DELE1: variants seen among roughly 807,000 people sequenced by gnomAD.
DELE1 encodes death ligand signal enhancer.
In DELE1, 54 loss-of-function variants were observed where a neutral mutation model predicts 59.3. The observed-to-expected ratio is 0.91, with a 90% CI of 0.73 to 1.14. The LOEUF (loss-of-function observed/expected upper bound fraction) is 1.14, where lower values mean the gene tolerates loss of function less well. DELE1 is among the 50% of genes most tolerant of loss of function. The probability of loss-of-function intolerance (pLI) is 0.00; values close to 1 mark genes in which losing one functional copy is unlikely to be tolerated. For missense variants in DELE1, 636 were observed against 643.9 expected, an observed-to-expected ratio of 0.99 and a Z score of 0.13; for synonymous variants, 264 against 259.1, an observed-to-expected ratio of 1.02 and a Z score of -0.18.
chr5:141,939,659 C>T lies in DELE1; in HGVS notation c.*900C>T. 1.0e-6 allele frequency: 1 copy of T among 985,890 alleles called. No homozygotes were observed. The highest frequency in any genetic ancestry group is 1.7e-5 in the African/African-American group (1 of 57,346). The allele number at this position is 985,890 out of a possible 1,614,324, so 61.1% of individuals were successfully genotyped here. A position where few individuals can be genotyped will look rare whatever the true frequency, so the allele number is the denominator to read the frequency against. On this transcript the variant is annotated 3_prime_UTR_variant, in exon 12 of 12. Coordinates refer to ENST00000432126, the MANE Select transcript of DELE1 (RefSeq NM_014773.5). ...GATACCCACCCACCTTCCCCCAAAT[C>T]TTAAGCACCTGCGCCAGTACAGTCA...
rs2126908332 is a variant in DELE1 at position 141,941,040 on chromosome 5, T to G, written c.*2281T>G. On this transcript the variant is annotated 3_prime_UTR_variant, in exon 12 of 12. Transcript: ENST00000432126. ...CACTGAATTGAGCCCAGAGCCCGTT[T>G]CCCTACAGATTGCTTTTGAGCCTTC... The G allele has an allele frequency of 1.0e-6, 1 of 985,444 alleles. No individual in the cohort carries two copies. The highest frequency in any genetic ancestry group is 1.1e-4 in the East Asian group (1 of 8,810). 61.0% of individuals were successfully genotyped at this position (985,444 alleles called of 1,614,324 possible). A position where few individuals can be genotyped will look rare whatever the true frequency, so the allele number is the denominator to read the frequency against.
intron 10 of DELE1, 74 bp downstream of exon 10, chr5:141,934,660 G>GT: frequency 7.3e-7 from 1 of 1,373,634 alleles, no homozygotes; most frequent in Non-Finnish European, 1.0e-6. Context: ...CTGGTACTGA[G>GT]TTCTTCTGTG....
intron 10 of DELE1, among the ~76,000 whole-genome samples, chr5:141,935,887 T>C (rs969972295): frequency 2.6e-5 from 4 of 152,214 alleles, no homozygotes; most frequent in Non-Finnish European, 2.9e-5. Flanking sequence ...TACTGAGCAG[T>C]GTTGCAGGGG....
In DELE1 at chr5:141,924,594, A is replaced by C. The variant is rs372635879; in HGVS notation, c.45A>C (p.Thr15=). ...TGTTCTGTACAGCTCTTCCCCGTAC[A>C]CTGGGACCTAGCCTCTGGAGGGTGA... ...PGLLGRALPR[T]LGPSLWRVTP... is the part of the protein sequence containing the mutation. The change falls in exon 2 of 12, where the codon ACA becomes ACC. Residue 15 remains threonine, a synonymous_variant. Coordinates refer to ENST00000432126, the MANE Select transcript of DELE1 (RefSeq NM_014773.5). The C allele has an allele frequency of 3.1e-6, 5 of 1,612,584 alleles. No individual in the cohort carries two copies. Among genetic ancestry groups the C allele is most frequent in the Non-Finnish European group, 3.4e-6 (4 of 1,178,632 alleles).
rs1233559182 is a variant in DELE1, at chr5:141,938,710, C to G, written c.1499C>G (p.Pro500Arg). 1 of 1,614,004 alleles carries G rather than the reference C, an allele frequency of 6.2e-7. No homozygotes were observed. The highest frequency in any genetic ancestry group is 1.3e-5 in the African/African-American group (1 of 74,924). ...SLEASSRAIP[P>R]HPYPLERSVV... Reference sequence around the variant, plus strand: ...GAAGCCTCCAGCAGGGCTATTCCCCCACACCCCTACCCACTGGAAAGGAGT... The same window carrying G: ...GAAGCCTCCAGCAGGGCTATTCCCCGACACCCCTACCCACTGGAAAGGAGT... Residue 500 changes from proline (P) to arginine (R), a missense_variant, in exon 12 of 12, where the codon CCA becomes CGA. Transcript: ENST00000432126.
intron 7 of DELE1, chr5:141,931,220 C>T (rs1271643564): frequency 2.6e-5 from 4 of 152,090 alleles, no homozygotes; most frequent in African/African-American, 9.7e-5. Flanking sequence ...GTGGCGGGAA[C>T]AGTAAGCGCG....
chr5:141,936,953 C>A, intron 10 of DELE1: 1 of 1,312,996 alleles, frequency 7.6e-7, no homozygotes, highest in South Asian at 1.9e-5. Flanking sequence ...GCAAGAGAAG[C>A]CTCCACACTG....
At chr5:141,936,763 C>T in intron 10 of DELE1, 1 of 570,418 alleles carries the variant, frequency 1.8e-6, no homozygotes, top group Non-Finnish European at 2.2e-6. Context: ...AGAAGAGTTT[C>T]CTTTTCTGTC....
At chr5:141,933,644 G>A (rs1752116974) in intron 8 of DELE1, 1 of 256,920 alleles carries the variant, frequency 3.9e-6, no homozygotes, top group African/African-American at 2.2e-5. Context: ...ATAGCATCTT[G>A]ATGAATGGAT....
chr5:141,924,358 G>C (rs1751193456), intron 1 of DELE1, among the ~76,000 whole-genome samples: 1 of 152,206 alleles, frequency 6.6e-6, no homozygotes. Context: ...TAGAACAGTG[G>C]TTGGCATCCA....
At position 141,925,396 on chromosome 5, in the gene DELE1, A is replaced by G; in HGVS notation, c.147-14A>G. The G allele has an allele frequency of 6.5e-7, 1 of 1,542,058 alleles. No homozygotes were observed. The highest frequency in any genetic ancestry group is 8.8e-7 in the Non-Finnish European group (1 of 1,139,866). ...CTTTGCCCCTACTTGATAGCCTCTT[A>G]TTTCATCATCTAGGTCAGGTCCCCA... On this transcript the variant is annotated splice_polypyrimidine_tract_variant and intron_variant, in intron 2 of 11. Transcript: ENST00000432126.
In DELE1 at chr5:141,934,575, GC is replaced by G; in HGVS notation, c.1140del (p.Asn381ThrfsTer29). 1 of 1,614,196 alleles carries G rather than the reference GC, an allele frequency of 6.2e-7. No individual in the cohort carries two copies. Among genetic ancestry groups the G allele is most frequent in the Non-Finnish European group, 8.5e-7 (1 of 1,179,988 alleles). On this transcript the variant is annotated frameshift_variant, in exon 10 of 12. Coordinates refer to ENST00000432126, the MANE Select transcript of DELE1 (RefSeq NM_014773.5). LOFTEE classifies it high-confidence loss of function. ...QRAVKYLWLA[A>X]NNGDSQSRYH... is the part of the protein sequence containing the mutation. ...AGCTGTGAAATATCTTTGGCTTGCA[GC>G]CAACAATGGGGTATGCGATCTCAGT...
At chr5:141,933,177 A>C (rs1752074223) in intron 7 of DELE1, 82 bp from the exon 8 acceptor site, 1 of 1,067,932 alleles carries the variant, frequency 9.4e-7, no homozygotes, top group Non-Finnish European at 1.3e-6. Context: ...GGAGGATCAG[A>C]TGAGGAGTCT....
Position 141,941,311 on chromosome 5 carries a change from G to A in DELE1, c.*2552G>A. 1.0e-6 allele frequency: 1 copy of A among 985,584 alleles called. No homozygotes were observed. Among genetic ancestry groups the A allele is most frequent in the Non-Finnish European group, 1.2e-6 (1 of 830,040 alleles). The allele number at this position is 985,584 out of a possible 1,614,324, so 61.1% of individuals were successfully genotyped here. A position where few individuals can be genotyped will look rare whatever the true frequency, so the allele number is the denominator to read the frequency against. ...GCTAAGTACTGATTCAATTTGGGGT[G>A]CCAAAGGTTGGGGGTAGGATATTTT... On this transcript the variant is annotated 3_prime_UTR_variant, in exon 12 of 12. Transcript: ENST00000432126.
intron 10 of DELE1, among the ~76,000 whole-genome samples, chr5:141,936,503 C>T (rs1258324187): frequency 6.6e-6 from 1 of 152,164 alleles, no homozygotes; most frequent in Admixed American, 6.5e-5. Flanking sequence ...GGCGCGATCT[C>T]AGCGCACTGC....
Position 141,929,969 on chromosome 5 carries a change from T to C in DELE1, c.572-20T>C. On this transcript the variant is annotated intron_variant, in intron 5 of 11. Coordinates refer to ENST00000432126, the MANE Select transcript of DELE1 (RefSeq NM_014773.5). ...AACTTTCTCCTTTGCCCTGGCCGGG[T>C]GTCGGCCTTTCCCTTGCAGGTCCCG... The C allele has an allele frequency of 6.2e-7, 1 of 1,610,006 alleles. No homozygotes were observed. The highest frequency in any genetic ancestry group is 1.1e-5 in the South Asian group (1 of 90,972).
chr5:141,933,110 AAATATAT>A (rs370191197), intron 7 of DELE1, 142 bp from the exon 8 acceptor site: 3 of 137,214 alleles, frequency 2.2e-5, no homozygotes, highest in African/African-American at 6.9e-5. Flanking sequence ...AAAAAAAAAA[AAATATAT>A]ATATATATAT....
Position 141,938,897 on chromosome 5 carries a change from C to G in DELE1, c.*138C>G. 6.8e-7 allele frequency: 1 copy of G among 1,465,020 alleles called. No individual in the cohort carries two copies. Among genetic ancestry groups the G allele is most frequent in the Non-Finnish European group, 9.0e-7 (1 of 1,114,588 alleles). 90.8% of individuals were successfully genotyped at this position (1,465,020 alleles called of 1,614,324 possible). ...TCAGGTTCCCAAGCAATTTCACGTA[C>G]ATGGCTGGTAAGTGACTGATCTTTC... On this transcript the variant is annotated 3_prime_UTR_variant, in exon 12 of 12. Transcript: ENST00000432126.
In DELE1 at chr5:141,924,458, C is replaced by T. The variant is rs1324164253; in HGVS notation, c.32-123C>T. Reference sequence around the variant, plus strand: ...TAGTTTATTGGTTCTGGGGTACTACCCTAGAATCTGTAGTAGATAAAAGAT... The same window carrying T: ...TAGTTTATTGGTTCTGGGGTACTACTCTAGAATCTGTAGTAGATAAAAGAT... On this transcript the variant is annotated intron_variant, in intron 1 of 11. Transcript: ENST00000432126. 5 of 683,048 alleles carry T rather than the reference C, an allele frequency of 7.3e-6. No individual in the cohort carries two copies. The East Asian group carries it at 1.3e-4, about 17-fold the overall frequency. The allele number at this position is 683,048 out of a possible 1,614,324, so 42.3% of individuals were successfully genotyped here. A position where few individuals can be genotyped will look rare whatever the true frequency, so the allele number is the denominator to read the frequency against.
Sources: allele counts gnomAD v4.1 joint callset (sites outside exome capture counted in the v4.1 genomes callset), GRCh38; gene constraint gnomAD v4.1.1; transcripts MANE v1.5; gene names NCBI Gene and HGNC (gene_info 2026-07-23, HGNC 2026-07-21).